The following SMARCA4 variants were observed in gnomAD, a reference collection of about 807,000 sequenced individuals.
The protein encoded by SMARCA4 is SWI/SNF related BAF chromatin remodeling complex subunit ATPase 4, also known as SWI/SNF-related matrix-associated actin-dependent regulator of chromatin subfamily A member 4.
Under a neutral mutation model 193.9 loss-of-function variants are expected in SMARCA4, and 31 were observed. That is an observed-to-expected ratio of 0.16 (90% CI 0.12 to 0.22). SMARCA4 has a LOEUF of 0.22. SMARCA4 is among the 10% of genes least tolerant of loss of function. SMARCA4 has a pLI of 1.00. For missense variants in SMARCA4, 1,148 were observed against 2,296.0 expected (o/e 0.50, Z 10.22); for synonymous variants, 942 against 933.1 (o/e 1.01, Z -0.17).
chr19:11,007,869 G>T (rs2146188222), intron 13 of SMARCA4, 33 bp from the exon 14 acceptor site: 1 of 1,612,322 alleles, frequency 6.2e-7, no homozygotes, highest in South Asian at 1.1e-5. Flanking sequence ...TCTGGGGGAT[G>T]AACTGAGGTG....
rs1060502074 is a variant in SMARCA4, at chr19:10,985,363, G to C, written c.313G>C (p.Gly105Arg). The C allele has an allele frequency of 6.2e-7, 1 of 1,614,030 alleles. No homozygotes were observed. The highest frequency in any genetic ancestry group is 8.5e-7 in the Non-Finnish European group (1 of 1,179,984). The change falls in exon 3 of 35, where the codon GGG becomes CGG. Residue 105 changes from glycine to arginine, a missense_variant. By Grantham distance (125) the Gly-to-Arg change is moderately radical. Coordinates refer to ENST00000344626, the MANE Select transcript of SMARCA4 (RefSeq NM_003072.5). The surrounding 1 kb of genome is among the most constrained non-coding windows in gnomAD (Gnocchi z 4.5). ...GGGGATGCGGTCAGGGGGCCATGCTGGGATGGGGCCCCCGCCCAGCCCCAT... is the reference window on the plus strand; with the variant it reads ...GGGGATGCGGTCAGGGGGCCATGCTCGGATGGGGCCCCCGCCCAGCCCCAT... ...GMGMRSGGHAGMGPPPSPMDQ... is the reference protein window; with the variant it reads ...GMGMRSGGHARMGPPPSPMDQ...
At position 11,062,270 on chromosome 19, in the gene SMARCA4, A is replaced by G. The variant is rs572943159; in HGVS notation, c.*454A>G. 3.8e-5 allele frequency: 10 copies of G among 262,294 alleles called. No individual in the cohort carries two copies. Among genetic ancestry groups the G allele is most frequent in the Admixed American group, 3.5e-4 (7 of 19,998 alleles). The allele number at this position is 262,294 out of a possible 1,614,324, so 16.2% of individuals were successfully genotyped here. A position where few individuals can be genotyped will look rare whatever the true frequency, so the allele number is the denominator to read the frequency against. On this transcript the variant is annotated 3_prime_UTR_variant, in exon 35 of 35. Coordinates refer to ENST00000344626, the MANE Select transcript of SMARCA4 (RefSeq NM_003072.5). ...AACAGTAATAAATTAAACCAACAACAAAACGCACAGCCTTGCCTGCAGGTG... is the reference window on the plus strand; with the variant it reads ...AACAGTAATAAATTAAACCAACAACGAAACGCACAGCCTTGCCTGCAGGTG...
intron 11 of SMARCA4, among the ~76,000 whole-genome samples, chr19:11,000,199 G>C (rs558144324): frequency 1.3e-5 from 2 of 150,348 alleles, no homozygotes; most frequent in Non-Finnish European, 3.0e-5. Context: ...TTGCACTCCA[G>C]CCTGGGTGAC....
chr19:11,028,872 G>T (rs1014548954), intron 24 of SMARCA4, among the ~76,000 whole-genome samples: 1 of 148,034 alleles, frequency 6.8e-6, no homozygotes, highest in African/African-American at 2.5e-5. Context: ...CCAGTTTGTT[G>T]TTCCCTACAC....
At chr19:11,014,961 C>T (rs781118529) in intron 16 of SMARCA4, among the ~76,000 whole-genome samples, 29 of 152,098 alleles carry the variant, frequency 1.9e-4, no homozygotes, top group African/African-American at 2.7e-4. Flanking sequence ...TAGAGGCACG[C>T]GCCACCATGT....
chr19:10,990,181 T>C (rs2086433794), intron 7 of SMARCA4, among the ~76,000 whole-genome samples: 1 of 150,476 alleles, frequency 6.6e-6, no homozygotes, highest in Non-Finnish European at 1.5e-5. Flanking sequence ...TGAAACAGAG[T>C]CTCACTCTGT....
chr19:10,992,371 C>T lies in SMARCA4; in HGVS notation c.1419+1048C>T, dbSNP rs527320792. On this transcript the variant is annotated intron_variant, in intron 8 of 34. Transcript: ENST00000344626. ...ACCTCAAGTGATCTGTCCGTCTTGG[C>T]CTCTCAAAGTGCTAAGATGGCAGGC... Among the ~76,000 whole-genome samples, 5 of 151,776 alleles carry T rather than the reference C, an allele frequency of 3.3e-5. No individual in the cohort carries two copies. The South Asian group carries it at 8.3e-4, about 25-fold the overall frequency.
At chr19:11,051,270 A>G (rs1181564953) in intron 30 of SMARCA4, among the ~76,000 whole-genome samples, 1 of 152,150 alleles carries the variant, frequency 6.6e-6, no homozygotes, top group Non-Finnish European at 1.5e-5. Flanking sequence ...GAGTCTGAAA[A>G]CTAGAATGGC....
intron 1 of SMARCA4, among the ~76,000 whole-genome samples, chr19:10,967,685 G>GTTT (rs111496379): frequency 3.9e-5 from 5 of 126,766 alleles, no homozygotes; most frequent in Non-Finnish European, 4.9e-5. Flanking sequence ...CAAATGTGTG[G>GTTT]TTTTTTTTTT....
chr19:10,964,857 G>C (rs778574436), intron 1 of SMARCA4, among the ~76,000 whole-genome samples: 1 of 152,000 alleles, frequency 6.6e-6, no homozygotes, highest in Non-Finnish European at 1.5e-5. Flanking sequence ...CTGGCCTCCT[G>C]TAATCTGCCC....
Position 11,019,194 on chromosome 19 carries a change from TGGGCAG to T in SMARCA4, c.2505+174_2505+179del. On this transcript the variant is annotated intron_variant, in intron 17 of 34. Coordinates refer to ENST00000344626, the MANE Select transcript of SMARCA4 (RefSeq NM_003072.5). This position sits in a 1 kb window ranked among gnomAD's most constrained non-coding sequence, Gnocchi z 6.1. ...GTCACATGGATCCGGGAGTTTGGAC[TGGGCAG>T]GGACAGGGCAGATTAGCTCACTGGG... is the stretch of plus-strand genomic sequence containing the variant. The T allele has an allele frequency of 1.4e-6, 1 of 700,218 alleles. No individual in the cohort carries two copies. The highest frequency in any genetic ancestry group is 2.7e-5 in the East Asian group (1 of 37,102). 43.4% of individuals were successfully genotyped at this position (700,218 alleles called of 1,614,324 possible).
rs375206556 is a variant in SMARCA4, at chr19:11,003,407, C to T, written c.2001+10C>T. ...AGAAGAAGAGGAAGAGGTAAGAGTGCATTTCCTGGCTTTCAAGGCTCTCAG... is the reference window on the plus strand; with the variant it reads ...AGAAGAAGAGGAAGAGGTAAGAGTGTATTTCCTGGCTTTCAAGGCTCTCAG... On this transcript the variant is annotated intron_variant, in intron 13 of 34. Transcript: ENST00000344626. The T allele has an allele frequency of 3.1e-6, 5 of 1,612,030 alleles. No homozygotes were observed. Among genetic ancestry groups the T allele is most frequent in the Non-Finnish European group, 4.2e-6 (5 of 1,178,116 alleles).
chr19:11,019,549 C>T lies in SMARCA4; in HGVS notation c.2506-42C>T. 7.1e-7 allele frequency: 1 copy of T among 1,405,424 alleles called. No individual in the cohort carries two copies. Among genetic ancestry groups the T allele is most frequent in the Non-Finnish European group, 9.9e-7 (1 of 1,005,692 alleles). The allele number at this position is 1,405,424 out of a possible 1,614,324, so 87.1% of individuals were successfully genotyped here. A position where few individuals can be genotyped will look rare whatever the true frequency, so the allele number is the denominator to read the frequency against. On this transcript the variant is annotated intron_variant, in intron 17 of 34. Coordinates refer to ENST00000344626, the MANE Select transcript of SMARCA4 (RefSeq NM_003072.5). The surrounding 1 kb of genome is among the most constrained non-coding windows in gnomAD (Gnocchi z 6.1). Reference sequence around the variant, plus strand: ...TGTGCCCCTCTTGCCACCTGGCCACCCGGCTCCAAAAGCCGAGCTGTGCAT... The same window carrying T: ...TGTGCCCCTCTTGCCACCTGGCCACTCGGCTCCAAAAGCCGAGCTGTGCAT...
rs886937766 is a variant in SMARCA4, at chr19:10,986,467, G to C, written c.634G>C (p.Gly212Arg). 1 of 1,555,886 alleles carries C rather than the reference G, an allele frequency of 6.4e-7. No homozygotes were observed. The highest frequency in any genetic ancestry group is 1.9e-5 in the Admixed American group (1 of 51,494). ...GGTGCAGGGCAAGCGGCCGATGCCC[G>C]GGATGCAGCAGCAGATGCCAACGCT... Reference protein sequence around the residue: ...MAVQGKRPMPGMQQQMPTLPP... With the variant: ...MAVQGKRPMPRMQQQMPTLPP... The change falls in exon 4 of 35, where the codon GGG (glycine) becomes CGG (arginine). Residue 212 changes from glycine (G) to arginine (R), a missense_variant. Gly to Arg is a moderately radical substitution (Grantham distance 125). Coordinates refer to ENST00000344626, the MANE Select transcript of SMARCA4 (RefSeq NM_003072.5). The surrounding 1 kb of genome is among the most constrained non-coding windows in gnomAD (Gnocchi z 6.7).
rs1338341052 is a variant in SMARCA4 at position 10,994,065 on chromosome 19, A to C, written c.1420-763A>C. 2.0e-5 allele frequency among the ~76,000 whole-genome samples: 3 copies of C among 151,474 alleles called. No individual in the cohort carries two copies. The East Asian group carries it at 5.8e-4, about 29-fold the overall frequency. On this transcript the variant is annotated intron_variant, in intron 8 of 34. Coordinates refer to ENST00000344626, the MANE Select transcript of SMARCA4 (RefSeq NM_003072.5). ...TATTATATTTATTTTTTTGAGATGG[A>C]GTCTCACTCTGTCACCCAGGCTGGA...
rs1180015646 is a variant in SMARCA4 at position 11,058,961 on chromosome 19, C to G, written c.4635+72C>G. The G allele has an allele frequency of 8.3e-7, 1 of 1,206,854 alleles. No individual in the cohort carries two copies. Among genetic ancestry groups the G allele is most frequent in the East Asian group, 2.4e-5 (1 of 42,398 alleles). The allele number at this position is 1,206,854 out of a possible 1,614,324, so 74.8% of individuals were successfully genotyped here. A position where few individuals can be genotyped will look rare whatever the true frequency, so the allele number is the denominator to read the frequency against. ...GCTTTGACCCAACCCGCCCCTCCTT[C>G]CCTTCTGAATTGATGGGTTAAAAAC... On this transcript the variant is annotated intron_variant, in intron 32 of 34. Transcript: ENST00000344626. The surrounding 1 kb of genome is among the most constrained non-coding windows in gnomAD (Gnocchi z 5.8).
At chr19:11,060,496 C>T (rs1417327750) in intron 34 of SMARCA4, 10 of 512,724 alleles carry the variant, frequency 2.0e-5, no homozygotes, top group East Asian at 1.0e-4. Flanking sequence ...GGGCTGAGGC[C>T]GGGCAGGCCA....
In SMARCA4 at chr19:11,033,759, A is replaced by T. The variant is rs774456140; in HGVS notation, c.3775-8A>T. 1.3e-6 allele frequency: 1 copy of T among 779,868 alleles called. No individual in the cohort carries two copies. Among genetic ancestry groups the T allele is most frequent in the East Asian group, 2.4e-5 (1 of 41,230 alleles). 48.3% of individuals were successfully genotyped at this position (779,868 alleles called of 1,614,324 possible). A position where few individuals can be genotyped will look rare whatever the true frequency, so the allele number is the denominator to read the frequency against. ...CCCTGGAGACTGAAGTCCTCTATTT[A>T]TCCACAGAGCAGACACTGCAGCACG... is the stretch of plus-strand genomic sequence containing the variant. On this transcript the variant is annotated splice_region_variant and splice_polypyrimidine_tract_variant and intron_variant, in intron 26 of 34. Transcript: ENST00000344626. This position sits in a 1 kb window ranked among gnomAD's most constrained non-coding sequence, Gnocchi z 9.8.
At chr19:11,059,090 C>A in intron 32 of SMARCA4, 7 of 536,880 alleles carry the variant, frequency 1.3e-5, no homozygotes, top group South Asian at 4.8e-5. Context: ...GCCTGGGCAA[C>A]ATAACAAGAC....
Sources: gnomAD v4.1 joint callset for allele counts (sites outside exome capture counted in the v4.1 genomes callset) on GRCh38, gnomAD v4.1.1 for gene constraint, Gnocchi (gnomAD v3.1) non-coding constraint, MANE v1.5 for transcripts, NCBI Gene and HGNC (gene_info 2026-07-23, HGNC 2026-07-21) for gene names.